The following PRKCG variants were observed in gnomAD, a reference collection of about 807,000 sequenced individuals.
PRKCG encodes the protein protein kinase C gamma.
In PRKCG, 28 loss-of-function variants were observed where a neutral mutation model predicts 82.0. The observed-to-expected ratio is 0.34, with a 90% CI of 0.25 to 0.47. The LOEUF is 0.47. PRKCG is among the 20% of genes least tolerant of loss of function. The pLI is 1.00. For missense variants in PRKCG, 640 were observed against 952.7 expected, an observed-to-expected ratio of 0.67 and a Z score of 4.32; for synonymous variants, 383 against 376.6, an observed-to-expected ratio of 1.02 and a Z score of -0.20.
rs2068655434 is a variant in PRKCG, at chr19:53,889,526, G to A, written c.286-112G>A. 2 of 771,442 alleles carry A rather than the reference G, an allele frequency of 2.6e-6. No homozygotes were observed. Among genetic ancestry groups the A allele is most frequent in the Admixed American group, 4.2e-5 (2 of 47,670 alleles). 47.8% of individuals were successfully genotyped at this position (771,442 alleles called of 1,614,324 possible). ...TATTGGTACATAGAGTGAAAGAGAT[G>A]GAGCCTCAGGCTGACCTAGAGAGCA... On this transcript the variant is annotated intron_variant, in intron 3 of 17. Transcript: ENST00000263431. This position sits in a 1 kb window ranked among gnomAD's most constrained non-coding sequence, Gnocchi z 4.4.
intron 10 of PRKCG, 72 bp downstream of exon 10, chr19:53,898,183 G>T (rs1427044641): frequency 6.3e-7 from 1 of 1,575,962 alleles, no homozygotes; most frequent in African/African-American, 1.4e-5. Context: ...TCTTAGGGAG[G>T]AAGTGGGGGT....
intron 17 of PRKCG, 50 bp from the exon 18 acceptor site, chr19:53,906,657 C>T: frequency 6.3e-7 from 1 of 1,598,060 alleles, no homozygotes. Flanking sequence ...GAGGGACACC[C>T]GAGGAGCCCT....
At chr19:53,904,546 A>T in intron 15 of PRKCG, 89 bp from the exon 16 acceptor site, 1 of 1,135,216 alleles carries the variant, frequency 8.8e-7, no homozygotes, top group Non-Finnish European at 1.3e-6. Flanking sequence ...TGGGTCAGGC[A>T]TGTTCCCGGT....
Position 53,907,019 on chromosome 19 carries a change from T to A in PRKCG, c.*124T>A. On this transcript the variant is annotated 3_prime_UTR_variant, in exon 18 of 18. Transcript: ENST00000263431. ...ATCCTGCACCCCAGCATTCCAGCTC[T>A]GCCCCCGCGGGTTCTAGACGCCCCT... The A allele has an allele frequency of 6.5e-7, 1 of 1,538,112 alleles. No homozygotes were observed. Among genetic ancestry groups the A allele is most frequent in the Non-Finnish European group, 8.7e-7 (1 of 1,146,892 alleles).
In PRKCG at chr19:53,906,334, A is replaced by C; in HGVS notation, c.1782A>C (p.Pro594=). The change falls in exon 17 of 18, where the codon CCA becomes CCC. Residue 594 remains proline (P), a synonymous_variant. Transcript: ENST00000263431. The stretch of plus-strand genomic sequence containing the variant: ...TCCCACAGTTCCTGACCAAGCACCC[A>C]GGGAAGCGCCTGGGCTCAGGGCCTG... ...AICKGFLTKH[P]GKRLGSGPDG... is the part of the protein sequence containing the mutation. 4 of 1,551,350 alleles carry C rather than the reference A, an allele frequency of 2.6e-6. No individual in the cohort carries two copies. Among genetic ancestry groups the C allele is most frequent in the Non-Finnish European group, 3.5e-6 (4 of 1,146,974 alleles).
chr19:53,887,381 C>T (rs187296638), intron 3 of PRKCG, among the ~76,000 whole-genome samples: 95 of 151,718 alleles, frequency 6.3e-4, no homozygotes, highest in Non-Finnish European at 1.1e-3. Flanking sequence ...CCTGTAATCC[C>T]AGCTACTCAG....
rs748380013 is a variant in PRKCG at position 53,882,305 on chromosome 19, C to G, written c.-190C>G. 1.3e-6 allele frequency: 1 copy of G among 793,850 alleles called. No homozygotes were observed. Among genetic ancestry groups the G allele is most frequent in the Admixed American group, 2.7e-5 (1 of 37,144 alleles). The allele number at this position is 793,850 out of a possible 1,614,324, so 49.2% of individuals were successfully genotyped here. A position where few individuals can be genotyped will look rare whatever the true frequency, so the allele number is the denominator to read the frequency against. ...CTCCCCACTCGCCCGCTCCCCCTGG[C>G]GGAGCCGGCGCGCCCGGGGTGCCGC... On this transcript the variant is annotated 5_prime_UTR_variant, in exon 1 of 18. Transcript: ENST00000263431. This position sits in a 1 kb window ranked among gnomAD's most constrained non-coding sequence, Gnocchi z 6.1.
intron 5 of PRKCG, 119 bp from the exon 6 acceptor site, chr19:53,891,555 T>C (rs1317170029): frequency 7.8e-6 from 10 of 1,289,582 alleles, no homozygotes; most frequent in Non-Finnish European, 1.0e-5. Flanking sequence ...GTGCTGGGAT[T>C]ACAGGCATGA....
chr19:53,891,401 T>C (rs1235139068), intron 5 of PRKCG, among the ~76,000 whole-genome samples: 6 of 151,696 alleles, frequency 4.0e-5, no homozygotes, highest in African/African-American at 9.7e-5. Context: ...CTCAGCCTCC[T>C]GAGTAGCTGG....
Position 53,883,309 on chromosome 19 carries a change from C to T in PRKCG, c.202+115C>T. On this transcript the variant is annotated intron_variant, in intron 2 of 17. Transcript: ENST00000263431. This position sits in a 1 kb window ranked among gnomAD's most constrained non-coding sequence, Gnocchi z 5.4. ...GGTCCCCAGAGAGGCGCGGGGGAGC[C>T]CGGGGCGGGGGGTGTGGCAGAGACA... is the stretch of plus-strand genomic sequence containing the variant. 1 of 1,308,988 alleles carries T rather than the reference C, an allele frequency of 7.6e-7. No homozygotes were observed. Among genetic ancestry groups the T allele is most frequent in the South Asian group, 1.2e-5 (1 of 83,804 alleles). The allele number at this position is 1,308,988 out of a possible 1,614,324, so 81.1% of individuals were successfully genotyped here. A position where few individuals can be genotyped will look rare whatever the true frequency, so the allele number is the denominator to read the frequency against.
At chr19:53,902,922 C>T in intron 14 of PRKCG, 151 bp from the exon 15 acceptor site, 1 of 144,660 alleles carries the variant, frequency 6.9e-6, no homozygotes, top group Non-Finnish European at 1.3e-5. Context: ...AAAAACGAAA[C>T]AAAAAATCAC....
In PRKCG at chr19:53,889,696, A is replaced by T; in HGVS notation, c.344A>T (p.Asp115Val). 1 of 1,614,118 alleles carries T rather than the reference A, an allele frequency of 6.2e-7. No individual in the cohort carries two copies. The highest frequency in any genetic ancestry group is 8.5e-7 in the Non-Finnish European group (1 of 1,180,004). Residue 115 changes from aspartate to valine, a missense_variant, in exon 4 of 18, where the codon GAC becomes GTC. Transcript: ENST00000263431. The surrounding 1 kb of genome is among the most constrained non-coding windows in gnomAD (Gnocchi z 4.4). Reference protein sequence around the residue: ...LHSYSSPTFCDHCGSLLYGLV... With the variant: ...LHSYSSPTFCVHCGSLLYGLV... ...AGCTACAGCAGCCCCACCTTCTGCG[A>T]CCACTGTGGCTCCCTCCTCTACGGG...
At position 53,907,269 on chromosome 19, in the gene PRKCG, C is replaced by G. The variant is rs1026424414; in HGVS notation, c.*374C>G. On this transcript the variant is annotated 3_prime_UTR_variant, in exon 18 of 18. Transcript: ENST00000263431. ...CCCCGCCCCTGGGGAAATAGCCTCA[C>G]GGGGTTGGCTGTTCCAGACTCAGGT... 2.9e-6 allele frequency: 1 copy of G among 343,188 alleles called. No homozygotes were observed. Among genetic ancestry groups the G allele is most frequent in the African/African-American group, 2.1e-5 (1 of 47,424 alleles). The allele number at this position is 343,188 out of a possible 1,614,324, so 21.3% of individuals were successfully genotyped here.
Position 53,898,080 on chromosome 19 carries a change from T to G in PRKCG, c.1061T>G (p.Leu354Arg). 6.2e-7 allele frequency: 1 copy of G among 1,614,082 alleles called. No individual in the cohort carries two copies. The highest frequency in any genetic ancestry group is 8.5e-7 in the Non-Finnish European group (1 of 1,180,020). The change falls in exon 10 of 18, where the codon CTC becomes CGC. Residue 354 changes from leucine to arginine, a missense_variant. By Grantham distance (102) the Leu-to-Arg change is moderately radical. This residue lies in a region of PRKCG where 261 missense variants were observed against 312.1 expected (regional missense o/e 0.84). Transcript: ENST00000263431. ...GRLHISDFSF[L>R]MVLGKGSFGK... is the part of the protein sequence containing the mutation. ...CTGCACATCTCCGACTTCAGCTTCC[T>G]CATGGTTCTAGGAAAAGGCAGTTTT...
At chr19:53,881,490 A>G (rs1224564574), upstream of PRKCG, among the ~76,000 whole-genome samples, 2 of 152,026 alleles carry the variant, frequency 1.3e-5, no homozygotes, top group Non-Finnish European at 2.9e-5. Flanking sequence ...CAGAGGCGGA[A>G]GAATTTATCA....
rs750117911 is a variant in PRKCG at position 53,882,359 on chromosome 19, G to A, written c.-136G>A. 1.5e-6 allele frequency: 2 copies of A among 1,320,424 alleles called. No individual in the cohort carries two copies. Among genetic ancestry groups the A allele is most frequent in the African/African-American group, 1.5e-5 (1 of 65,152 alleles). The allele number at this position is 1,320,424 out of a possible 1,614,324, so 81.8% of individuals were successfully genotyped here. A position where few individuals can be genotyped will look rare whatever the true frequency, so the allele number is the denominator to read the frequency against. Reference sequence around the variant, plus strand: ...CTGCCTGGCGCGCTCCGCACCTGGAGGTGCCTTGCCCCTCTCCTGCCCACC... The same window carrying A: ...CTGCCTGGCGCGCTCCGCACCTGGAAGTGCCTTGCCCCTCTCCTGCCCACC... On this transcript the variant is annotated 5_prime_UTR_variant, in exon 1 of 18. Coordinates refer to ENST00000263431, the MANE Select transcript of PRKCG (RefSeq NM_002739.5). The surrounding 1 kb of genome is among the most constrained non-coding windows in gnomAD (Gnocchi z 6.1).
chr19:53,885,958 G>C (rs1246278234), intron 3 of PRKCG, among the ~76,000 whole-genome samples: 2 of 150,670 alleles, frequency 1.3e-5, no homozygotes, highest in African/African-American at 4.9e-5. Context: ...CCAGCTACTC[G>C]GGAGGCTGAG....
intron 15 of PRKCG, among the ~76,000 whole-genome samples, chr19:53,903,498 A>G (rs1042400253): frequency 1.3e-5 from 2 of 152,204 alleles, no homozygotes; most frequent in Non-Finnish European, 2.9e-5. Flanking sequence ...GTCAGCTTAG[A>G]CAATTACATA....
At chr19:53,887,525 A>G (rs1475829601) in intron 3 of PRKCG, among the ~76,000 whole-genome samples, 6 of 146,604 alleles carry the variant, frequency 4.1e-5, no homozygotes, top group African/African-American at 1.5e-4. Context: ...AAAAAAAAAA[A>G]AAAAAAAAAA....
Sources: gnomAD v4.1 joint callset for allele counts (sites outside exome capture counted in the v4.1 genomes callset) on GRCh38, gnomAD v4.1.1 for gene constraint, gnomAD v4.1.1 regional missense constraint, Gnocchi (gnomAD v3.1) non-coding constraint, MANE v1.5 for transcripts, NCBI Gene and HGNC (gene_info 2026-07-23, HGNC 2026-07-21) for gene names.